Variants in FBXW4 observed in about 807,000 individuals in gnomAD.
FBXW4 encodes F-box and WD repeat domain containing 4.
A neutral mutation model predicts 61.8 loss-of-function variants in FBXW4; 40 were observed. That is an observed-to-expected ratio of 0.65 (90% CI 0.50 to 0.84). The LOEUF is 0.84. Among genes scored for constraint, FBXW4 ranks in the 40% least tolerant of loss-of-function variants. The probability of loss-of-function intolerance (pLI) is 0.00; values close to 1 mark genes in which losing one functional copy is unlikely to be tolerated. For synonymous variants in FBXW4, 311 were observed against 313.8 expected, an observed-to-expected ratio of 0.99 and a Z score of 0.10; for missense variants, 672 against 753.8, an observed-to-expected ratio of 0.89 and a Z score of 1.27.
chr10:101,613,073 C>G (rs1025040493), intron 6 of FBXW4: 8 of 152,388 alleles, frequency 5.2e-5, no homozygotes, highest in Admixed American at 5.2e-4. Flanking sequence ...CCTGGTCTAG[C>G]TGGCCCCCAG....
intron 6 of FBXW4, among the ~76,000 whole-genome samples, chr10:101,618,025 C>T (rs944677383): frequency 6.6e-6 from 1 of 152,240 alleles, no homozygotes; most frequent in East Asian, 1.9e-4. Context: ...AGGGCCAGGG[C>T]AGACAAAGCC....
At position 101,611,037 on chromosome 10, in the gene FBXW4, C is replaced by CA. The variant is rs1206718850; in HGVS notation, c.*253dup. 1 of 393,894 alleles carries CA rather than the reference C, an allele frequency of 2.5e-6. No homozygotes were observed. The highest frequency in any genetic ancestry group is 4.6e-6 in the Non-Finnish European group (1 of 216,018). The allele number at this position is 393,894 out of a possible 1,614,324, so 24.4% of individuals were successfully genotyped here. A position where few individuals can be genotyped will look rare whatever the true frequency, so the allele number is the denominator to read the frequency against. ...TCCTTGCTCTGGCCAAACAGGGACG[C>CA]AAGGCCCGGGTTCAGCCGCACTCTA... On this transcript the variant is annotated 3_prime_UTR_variant, in exon 9 of 9. Transcript: ENST00000331272. The surrounding 1 kb of genome is among the most constrained non-coding windows in gnomAD (Gnocchi z 4.9).
intron 5 of FBXW4, among the ~76,000 whole-genome samples, chr10:101,642,160 T>G (rs1241966203): frequency 1.3e-5 from 2 of 152,070 alleles, no homozygotes; most frequent in South Asian, 4.2e-4. Context: ...AGTGAGACTC[T>G]ATCTCAAAAA....
At chr10:101,654,385 T>C (rs1273043656) in intron 5 of FBXW4, among the ~76,000 whole-genome samples, 1 of 152,246 alleles carries the variant, frequency 6.6e-6, no homozygotes, top group Admixed American at 6.5e-5. Flanking sequence ...TTTTATGATA[T>C]ATAAATTCTA....
chr10:101,628,003 C>T (rs2063920948), intron 5 of FBXW4: 2 of 985,188 alleles, frequency 2.0e-6, no homozygotes, highest in East Asian at 1.1e-4. Flanking sequence ...TTTGAATCCG[C>T]GAGATGTCTT....
rs569483825 is a variant in FBXW4 at position 101,617,672 on chromosome 10, A to C, written c.1302-5195T>G. Among the ~76,000 whole-genome samples the C allele has an allele frequency of 3.3e-5, 5 of 152,360 alleles. No individual in the cohort carries two copies. The South Asian group carries it at 6.2e-4, about 19-fold the overall frequency. On this transcript the variant is annotated intron_variant, in intron 6 of 8. Transcript: ENST00000331272. ...ACTTTGTACTGCTAACAAGGGGGCC[A>C]TAATTACAGGAAGGGGCAGCCGCGT...
chr10:101,642,994 C>T (rs1195375415), intron 5 of FBXW4, among the ~76,000 whole-genome samples: 1 of 152,174 alleles, frequency 6.6e-6, no homozygotes, highest in African/African-American at 2.4e-5. Flanking sequence ...GCCATCCTCC[C>T]CAAATAATAT....
intron 1 of FBXW4, among the ~76,000 whole-genome samples, chr10:101,684,765 T>C (rs1453672755): frequency 2.6e-5 from 4 of 152,332 alleles, no homozygotes; most frequent in East Asian, 1.9e-4. Context: ...TTCCAATAGC[T>C]TCAGTAGCAG....
At chr10:101,678,311 G>C (rs2064437505) in intron 1 of FBXW4, among the ~76,000 whole-genome samples, 1 of 152,234 alleles carries the variant, frequency 6.6e-6, no homozygotes, top group Non-Finnish European at 1.5e-5. Context: ...TATATCTCCT[G>C]TGTCTCCTTA....
intron 5 of FBXW4, among the ~76,000 whole-genome samples, chr10:101,646,607 G>T (rs980382602): frequency 1.3e-5 from 2 of 152,228 alleles, no homozygotes; most frequent in Non-Finnish European, 2.9e-5. Context: ...GCCAGGGGAC[G>T]CAGAGCTGGG....
At chr10:101,616,163 C>A (rs1036319593) in intron 6 of FBXW4, among the ~76,000 whole-genome samples, 1 of 152,094 alleles carries the variant, frequency 6.6e-6, no homozygotes, top group Non-Finnish European at 1.5e-5. Context: ...GCAACAATGG[C>A]TTTTGGAGAG....
chr10:101,674,844 A>C (rs985442660), intron 2 of FBXW4, among the ~76,000 whole-genome samples: 1 of 152,186 alleles, frequency 6.6e-6, no homozygotes, highest in Non-Finnish European at 1.5e-5. Flanking sequence ...AAGAAAGAAG[A>C]CTGTCAGATA....
intron 6 of FBXW4, among the ~76,000 whole-genome samples, chr10:101,623,602 T>C (rs1179134015): frequency 6.6e-6 from 1 of 152,118 alleles, no homozygotes. Context: ...CCCAGAGAAA[T>C]GAAAATGTAT....
At chr10:101,622,828 C>G (rs1295460898) in intron 6 of FBXW4, 1 of 147,404 alleles carries the variant, frequency 6.8e-6, no homozygotes, top group Non-Finnish European at 1.5e-5. Flanking sequence ...ACAGAAAGAA[C>G]TGTCAAAACT....
chr10:101,653,226 C>T (rs563301924), intron 5 of FBXW4, among the ~76,000 whole-genome samples: 14 of 152,260 alleles, frequency 9.2e-5, no homozygotes, highest in South Asian at 4.1e-4. Flanking sequence ...ACTGTCCCTA[C>T]GAGTCTGGTC....
chr10:101,624,626 T>A, intron 6 of FBXW4, 119 bp downstream of exon 6: 1 of 1,067,188 alleles, frequency 9.4e-7, no homozygotes, highest in Admixed American at 1.7e-5. Flanking sequence ...AGAGGCCTCC[T>A]ACTAGACCAC....
intron 1 of FBXW4, among the ~76,000 whole-genome samples, chr10:101,678,675 A>C (rs1355417132): frequency 6.6e-6 from 1 of 152,012 alleles, no homozygotes; most frequent in African/African-American, 2.4e-5. Context: ...TGATCCACCC[A>C]CCTCAGCCTC....
intron 6 of FBXW4, among the ~76,000 whole-genome samples, chr10:101,621,580 G>A (rs1314192894): frequency 1.3e-5 from 2 of 152,148 alleles, no homozygotes; most frequent in South Asian, 2.1e-4. Context: ...TGGGTGGGAA[G>A]GAAGAGCAGG....
intron 4 of FBXW4, among the ~76,000 whole-genome samples, chr10:101,671,578 G>A (rs1031716670): frequency 6.6e-6 from 1 of 152,116 alleles, no homozygotes; most frequent in African/African-American, 2.4e-5. Context: ...ATAGAAGAAA[G>A]AGGTGTCACT....
Sources: allele counts gnomAD v4.1 joint callset (sites outside exome capture counted in the v4.1 genomes callset), GRCh38; gene constraint gnomAD v4.1.1; non-coding constraint Gnocchi (gnomAD v3.1); transcripts MANE v1.5; gene names NCBI Gene and HGNC (gene_info 2026-07-23, HGNC 2026-07-21).